Variants in NLRP5 observed in about 807,000 individuals in gnomAD.
NLRP5 encodes NLR family pyrin domain containing 5.
In NLRP5, 93 loss-of-function variants were observed where a neutral mutation model predicts 113.1. The ratio of observed to expected loss-of-function variants is 0.82; its 90% CI spans 0.70 to 0.98. The LOEUF (loss-of-function observed/expected upper bound fraction) is 0.98. NLRP5 is among the 50% of genes least tolerant of loss of function. The pLI is 0.00. For missense variants in NLRP5, 1,808 were observed against 1,514.3 expected, an observed-to-expected ratio of 1.19 and a Z score of -3.22; for synonymous variants, 751 against 600.7, an observed-to-expected ratio of 1.25 and a Z score of -3.66.
the NLRP5 span, chr19:55,987,668 C>CT: frequency 1.6e-6 from 1 of 621,044 alleles, no homozygotes. Flanking sequence ...CTGCTGCTTT[C>CT]TAATCATTCA....
the NLRP5 span, among the ~76,000 whole-genome samples, chr19:55,987,335 A>G: frequency 2.0e-5 from 3 of 152,324 alleles, no homozygotes; most frequent in East Asian, 5.8e-4. Flanking sequence ...ACGCCACTGC[A>G]CTCCAGCGTG....
At chr19:56,042,096 C>T (rs900741428) in intron 11 of NLRP5, among the ~76,000 whole-genome samples, 2 of 152,202 alleles carry the variant, frequency 1.3e-5, no homozygotes, top group African/African-American at 4.8e-5. Context: ...TCTGGAGACT[C>T]AAGTTCTTCT....
intron 11 of NLRP5, among the ~76,000 whole-genome samples, chr19:56,049,392 G>C (rs1313952288): frequency 1.3e-5 from 2 of 152,062 alleles, no homozygotes; most frequent in Non-Finnish European, 2.9e-5. Flanking sequence ...TGTTGGTCAG[G>C]CTGGTATCGA....
rs184088866 is a variant in NLRP5 at position 56,053,309 on chromosome 19, T to C, written c.3129-329T>C. 3.8e-4 allele frequency among the ~76,000 whole-genome samples: 57 copies of C among 151,956 alleles called. No homozygotes were observed. In the East Asian group the frequency reaches 8.7e-3, roughly 23 times the overall value. On this transcript the variant is annotated intron_variant, in intron 12 of 14. Transcript: ENST00000390649. ...ATTCGGGAGGCTGAGGAAGGGAGAA[T>C]AGCTTGAACCTGGGAGGTGGAGGTT... is the stretch of plus-strand genomic sequence containing the variant.
chr19:56,005,476 T>TACACACAC (rs370942099), intron 2 of NLRP5, among the ~76,000 whole-genome samples: 6 of 146,272 alleles, frequency 4.1e-5, no homozygotes, highest in Non-Finnish European at 8.9e-5. Context: ...CACATATTTA[T>TACACACAC]ACACACACAC....
chr19:56,055,894 G>C lies in NLRP5; in HGVS notation c.3299+2086G>C, dbSNP rs148023000. On this transcript the variant is annotated intron_variant, in intron 13 of 14. Coordinates refer to ENST00000390649, the MANE Select transcript of NLRP5 (RefSeq NM_153447.4). ...TGTCTCCCTTAGCCTTCTGTTCTGG[G>C]GTGTGTCCACCTACAAACACTCCAA... 3.2e-4 allele frequency among the ~76,000 whole-genome samples: 49 copies of C among 152,040 alleles called. No individual in the cohort carries two copies. The East Asian group carries it at 8.9e-3, about 28-fold the overall frequency.
At chr19:56,004,170 C>A in intron 2 of NLRP5, 75 bp downstream of exon 2, 1 of 1,463,484 alleles carries the variant, frequency 6.8e-7, no homozygotes. Flanking sequence ...AGGGAAGAAT[C>A]GTTGTTCAGT....
chr19:56,038,373 ATC>A (rs1429042023), intron 10 of NLRP5, among the ~76,000 whole-genome samples, 178 bp downstream of exon 10: 1 of 152,186 alleles, frequency 6.6e-6, no homozygotes. Context: ...CCTGAAAAAC[ATC>A]TGTTCTTGCT....
chr19:56,025,501 G>A (rs533117723), intron 6 of NLRP5, among the ~76,000 whole-genome samples: 66 of 151,998 alleles, frequency 4.3e-4, no homozygotes, highest in Admixed American at 3.9e-4. Context: ...CACCTTCTGC[G>A]TTCATGACTT....
In NLRP5 at chr19:56,014,608, T is replaced by C. The variant is rs77912514; in HGVS notation, c.509-1134T>C. ...AAACATTTTGAGTTAATTTTGTATA[T>C]AGCATGAAGTAGAGGGTTCAACTTC... On this transcript the variant is annotated intron_variant, in intron 3 of 14. Coordinates refer to ENST00000390649, the MANE Select transcript of NLRP5 (RefSeq NM_153447.4). Among the ~76,000 whole-genome samples, 941 of 152,298 alleles carry C rather than the reference T, an allele frequency of 6.2e-3. 10 individuals carry two copies. The highest frequency in any genetic ancestry group is 0.021 in the African/African-American group (871 of 41,574).
At chr19:56,000,586 G>A (rs1396430175) in intron 1 of NLRP5, among the ~76,000 whole-genome samples, 7 of 151,606 alleles carry the variant, frequency 4.6e-5, no homozygotes, top group African/African-American at 1.2e-4. Flanking sequence ...GGATGGTCTC[G>A]ATCTCCTGAC....
At chr19:55,998,690 A>ATATATGTGTGTGTGTGTGTG (rs1981442235), upstream of NLRP5, among the ~76,000 whole-genome samples, 14 of 56,282 alleles carry the variant, frequency 2.5e-4, no homozygotes, top group African/African-American at 1.2e-3. Context: ...ATATATATAT[A>ATATATGTGTGTGTGTGTGTG]TATATATATA....
chr19:56,022,675 T>C (rs1234037755), intron 6 of NLRP5, among the ~76,000 whole-genome samples: 1 of 152,204 alleles, frequency 6.6e-6, no homozygotes, highest in Non-Finnish European at 1.5e-5. Flanking sequence ...TGTTATCACT[T>C]AGAAAAAACC....
chr19:56,027,114 C>T lies in NLRP5; in HGVS notation c.881C>T (p.Ala294Val), dbSNP rs1456367038. 6 of 1,584,018 alleles carry T rather than the reference C, an allele frequency of 3.8e-6. No homozygotes were observed. Among genetic ancestry groups the T allele is most frequent in the Non-Finnish European group, 4.3e-6 (5 of 1,165,128 alleles). The change falls in exon 7 of 15, where the codon GCT (alanine) becomes GTT (valine). Residue 294 changes from alanine (A) to valine (V), a missense_variant. Physicochemically the swap from Ala to Val is moderately conservative, Grantham distance 64. Transcript: ENST00000390649. ...GGAAAGTCAGGAATTGGGAAATCGGCTCTAGCCAGAAGGATCGTGCTGTGC... is the reference window on the plus strand; with the variant it reads ...GGAAAGTCAGGAATTGGGAAATCGGTTCTAGCCAGAAGGATCGTGCTGTGC...
intron 6 of NLRP5, among the ~76,000 whole-genome samples, chr19:56,024,418 ATGT>A (rs1982742453): frequency 1.6e-5 from 2 of 124,968 alleles, no homozygotes; most frequent in Non-Finnish European, 3.4e-5. Flanking sequence ...ATATGTATAT[ATGT>A]TATATATACA....
chr19:56,026,620 C>T (rs1982862812), intron 6 of NLRP5, among the ~76,000 whole-genome samples: 1 of 150,400 alleles, frequency 6.6e-6, no homozygotes, highest in Non-Finnish European at 1.5e-5. Flanking sequence ...CGCTCTGTGA[C>T]CAGGCTGGAG....
upstream of NLRP5, among the ~76,000 whole-genome samples, chr19:55,997,255 T>C (rs553208293): frequency 3.0e-4 from 46 of 152,328 alleles, no homozygotes; most frequent in African/African-American, 1.1e-3. Flanking sequence ...CGTGTGGTTT[T>C]TGTCCTTCAG....
chr19:56,052,113 G>T (rs1461650524), intron 12 of NLRP5, among the ~76,000 whole-genome samples: 4 of 152,242 alleles, frequency 2.6e-5, no homozygotes, highest in African/African-American at 9.6e-5. Context: ...CCAATGACTA[G>T]GTCACCCCTA....
At chr19:55,990,459 G>A in the NLRP5 span, among the ~76,000 whole-genome samples, 1 of 152,032 alleles carries the variant, frequency 6.6e-6, no homozygotes, top group Non-Finnish European at 1.5e-5. Context: ...GGGAGGCCGA[G>A]GCAGGTGGAT....
Sources: gnomAD v4.1 joint callset for allele counts (sites outside exome capture counted in the v4.1 genomes callset) on GRCh38, gnomAD v4.1.1 for gene constraint, MANE v1.5 for transcripts, NCBI Gene and HGNC (gene_info 2026-07-23, HGNC 2026-07-21) for gene names.